Variants in FAT3 observed in about 807,000 individuals in gnomAD.
The protein encoded by FAT3 is protocadherin Fat 3.
In FAT3, 95 loss-of-function variants were observed where a neutral mutation model predicts 310.2. The observed-to-expected ratio is 0.31, with a 90% CI of 0.26 to 0.36. The LOEUF (loss-of-function observed/expected upper bound fraction) is 0.36. Among genes scored for constraint, FAT3 ranks in the 10% least tolerant of loss-of-function variants. FAT3 has a pLI of 1.00. For synonymous variants in FAT3, 2,314 were observed against 2,192.9 expected (o/e 1.06, Z -1.54); for missense variants, 5,408 against 5,715.6 (o/e 0.95, Z 1.74).
intron 3 of FAT3, among the ~76,000 whole-genome samples, chr11:92,692,427 CTGTT>C (rs1313912895): frequency 3.9e-5 from 6 of 152,158 alleles, no homozygotes; most frequent in Admixed American, 3.3e-4. Flanking sequence ...GGAAGACTGA[CTGTT>C]TGGAAAATAA....
chr11:92,263,693 A>G (rs970569515), intron 1 of FAT3, among the ~76,000 whole-genome samples: 17 of 151,974 alleles, frequency 1.1e-4, no homozygotes, highest in Admixed American at 1.3e-4. Context: ...TTATAATTTT[A>G]ACTTTAATTC....
chr11:92,756,224 G>A lies in FAT3; in HGVS notation c.3670-5632G>A, dbSNP rs61901922. 8.2e-3 allele frequency among the ~76,000 whole-genome samples: 1,249 copies of A among 152,248 alleles called. 10 individuals carry two copies. Among genetic ancestry groups the A allele is most frequent in the Non-Finnish European group, 0.012 (783 of 68,034 alleles). The stretch of plus-strand genomic sequence containing the variant: ...AATACCAAACCCTATATATGCTATC[G>A]TTTTTCTTGTACATACATACCTATG... On this transcript the variant is annotated intron_variant, in intron 4 of 27. Transcript: ENST00000525166.
chr11:92,714,115 AT>A (rs935569848), intron 4 of FAT3, among the ~76,000 whole-genome samples: 13 of 151,934 alleles, frequency 8.6e-5, no homozygotes, highest in East Asian at 1.9e-4. Flanking sequence ...CTTTTTCTTT[AT>A]TTTTTTTATA....
chr11:92,607,261 A>G (rs1252482253), intron 3 of FAT3, among the ~76,000 whole-genome samples: 1 of 151,016 alleles, frequency 6.6e-6, no homozygotes, highest in Non-Finnish European at 1.5e-5. Context: ...TCATCTCTTC[A>G]TGCATCACCC....
At chr11:92,764,796 G>A (rs959290660) in intron 5 of FAT3, 83 bp from the exon 6 acceptor site, 62 of 1,308,460 alleles carry the variant, frequency 4.7e-5, no homozygotes, top group Non-Finnish European at 6.1e-5. Context: ...TGGACTCTTG[G>A]CCCAGCAACA....
intron 4 of FAT3, among the ~76,000 whole-genome samples, chr11:92,716,917 A>G (rs759014438): frequency 5.3e-5 from 8 of 152,210 alleles, no homozygotes; most frequent in Non-Finnish European, 1.0e-4. Context: ...GTTAAGCCAT[A>G]TTGGTGGAAA....
intron 3 of FAT3, among the ~76,000 whole-genome samples, chr11:92,684,792 T>C (rs1943582404): frequency 6.6e-6 from 1 of 152,200 alleles, no homozygotes; most frequent in Admixed American, 6.5e-5. Context: ...AGCTATCTGA[T>C]TCTTCCTGAC....
chr11:92,667,303 C>A (rs1465186680), intron 3 of FAT3, among the ~76,000 whole-genome samples: 2 of 152,134 alleles, frequency 1.3e-5, no homozygotes, highest in Non-Finnish European at 2.9e-5. Flanking sequence ...GTGTGGAGTT[C>A]TTTCCTGTGC....
intron 3 of FAT3, among the ~76,000 whole-genome samples, chr11:92,558,402 A>ATGTGTGTGTGTGTG (rs58362077): frequency 0.27 from 41,168 of 149,924 alleles, 5,944 homozygotes; most frequent in East Asian, 0.38. Context: ...TGTTGTGTTT[A>ATGTGTGTGTGTGTG]TGTGTGTGTG....
intron 3 of FAT3, among the ~76,000 whole-genome samples, chr11:92,567,053 A>C (rs1227304655): frequency 6.6e-6 from 1 of 152,212 alleles, no homozygotes; most frequent in Non-Finnish European, 1.5e-5. Flanking sequence ...TAATTAAACT[A>C]AAGAGCTTCT....
At chr11:92,293,512 T>TCATATA (rs1491357948) in intron 1 of FAT3, among the ~76,000 whole-genome samples, 1 of 67,892 alleles carries the variant, frequency 1.5e-5, no homozygotes, top group Non-Finnish European at 2.7e-5. Flanking sequence ...GAACCTCAGA[T>TCATATA]TATATATATA....
intron 1 of FAT3, among the ~76,000 whole-genome samples, chr11:92,288,964 A>G (rs529656742): frequency 2.0e-5 from 3 of 152,228 alleles, no homozygotes; most frequent in South Asian, 4.1e-4. Context: ...GAATGTGCTG[A>G]CAACACCACC....
At chr11:92,334,366 C>T (rs942038016) in intron 1 of FAT3, among the ~76,000 whole-genome samples, 1 of 152,072 alleles carries the variant, frequency 6.6e-6, no homozygotes, top group African/African-American at 2.4e-5. Flanking sequence ...AAGACTGAGA[C>T]CCTGTCTCAA....
At chr11:92,539,173 C>T (rs1400659216) in intron 3 of FAT3, among the ~76,000 whole-genome samples, 1 of 152,092 alleles carries the variant, frequency 6.6e-6, no homozygotes, top group Non-Finnish European at 1.5e-5. Flanking sequence ...ATGCATTCTT[C>T]TGAAGAAATG....
At chr11:92,827,457 A>G (rs1259042498) in intron 13 of FAT3, among the ~76,000 whole-genome samples, 3 of 152,188 alleles carry the variant, frequency 2.0e-5, no homozygotes, top group African/African-American at 7.2e-5. Flanking sequence ...CCACTCTAGA[A>G]ATGCAGACCC....
intron 2 of FAT3, among the ~76,000 whole-genome samples, chr11:92,434,581 T>C (rs1950883742): frequency 6.6e-6 from 1 of 152,154 alleles, no homozygotes; most frequent in African/African-American, 2.4e-5. Context: ...CTAGCAACTT[T>C]GGTGCTGGTT....
chr11:92,877,511 A>G (rs1404381810), intron 22 of FAT3, among the ~76,000 whole-genome samples: 1 of 152,112 alleles, frequency 6.6e-6, no homozygotes, highest in African/African-American at 2.4e-5. Context: ...GCTGAAACTC[A>G]CAACCACCCC....
chr11:92,879,443 G>A (rs1260349233), intron 22 of FAT3, among the ~76,000 whole-genome samples: 2 of 152,154 alleles, frequency 1.3e-5, no homozygotes, highest in Non-Finnish European at 1.5e-5. Flanking sequence ...AACTAAACTC[G>A]GAGAGACCGG....
chr11:92,266,877 C>T (rs1044236537), intron 1 of FAT3, among the ~76,000 whole-genome samples: 10 of 152,148 alleles, frequency 6.6e-5, no homozygotes, highest in Non-Finnish European at 8.8e-5. Context: ...GATTCATGCT[C>T]CATAATTCTC....
Sources: allele counts gnomAD v4.1 joint callset (sites outside exome capture counted in the v4.1 genomes callset), GRCh38; gene constraint gnomAD v4.1.1; transcripts MANE v1.5; gene names NCBI Gene and HGNC (gene_info 2026-07-23, HGNC 2026-07-21).